The following ANO4 variants were observed in gnomAD, a reference collection of about 807,000 sequenced individuals.
ANO4 encodes anoctamin-4.
In ANO4, 69 loss-of-function variants were observed where a neutral mutation model predicts 141.9. That is an observed-to-expected ratio of 0.49 (90% CI 0.40 to 0.59). The LOEUF (loss-of-function observed/expected upper bound fraction) is 0.59. ANO4 is among the 20% of genes least tolerant of loss of function. The pLI is 0.00. For synonymous variants in ANO4, 350 were observed against 394.3 expected (o/e 0.89, Z 1.33); for missense variants, 894 against 1,162.2 (o/e 0.77, Z 3.36).
intron 2 of ANO4, among the ~76,000 whole-genome samples, chr12:100,907,035 T>C (rs563861853): frequency 1.3e-5 from 2 of 152,274 alleles, no homozygotes; most frequent in South Asian, 4.1e-4. Flanking sequence ...ACAATTGTCT[T>C]CAGTGGTTCT....
At chr12:100,758,236 G>A (rs2032700531) in intron 3 of ANO4, among the ~76,000 whole-genome samples, 1 of 152,202 alleles carries the variant, frequency 6.6e-6, no homozygotes, top group Non-Finnish European at 1.5e-5. Flanking sequence ...TTAGAGTAAG[G>A]CTGACATTGA....
At chr12:100,920,823 C>A (rs758111096) in intron 2 of ANO4, among the ~76,000 whole-genome samples, 18 of 152,100 alleles carry the variant, frequency 1.2e-4, no homozygotes, top group South Asian at 6.2e-4. Context: ...GCCAGTGTTG[C>A]TTTAATAAAT....
At chr12:100,878,869 TTC>T (rs1333627825) in intron 1 of ANO4, among the ~76,000 whole-genome samples, 1 of 152,192 alleles carries the variant, frequency 6.6e-6, no homozygotes, top group African/African-American at 2.4e-5. Flanking sequence ...ATGATGCATG[TTC>T]TGATTCACCA....
chr12:100,762,588 T>A (rs182409013), intron 3 of ANO4, among the ~76,000 whole-genome samples: 1 of 152,268 alleles, frequency 6.6e-6, no homozygotes, highest in Non-Finnish European at 1.5e-5. Flanking sequence ...AACAAGTGCT[T>A]ACTTCCCTGG....
intron 1 of ANO4, among the ~76,000 whole-genome samples, chr12:100,884,917 ACTC>A (rs1206587135): frequency 6.6e-6 from 1 of 151,450 alleles, no homozygotes. Context: ...CTGGTCTTGA[ACTC>A]CTGACCTCAG....
chr12:100,753,889 C>T (rs1197420404), intron 3 of ANO4, among the ~76,000 whole-genome samples: 3 of 152,198 alleles, frequency 2.0e-5, no homozygotes, highest in Non-Finnish European at 2.9e-5. Flanking sequence ...CCACAAGCAC[C>T]TGTCCAAGCC....
At chr12:100,736,970 G>C (rs990913875) in intron 2 of ANO4, among the ~76,000 whole-genome samples, 1 of 152,074 alleles carries the variant, frequency 6.6e-6, no homozygotes, top group Non-Finnish European at 1.5e-5. Flanking sequence ...ATAAATTTCT[G>C]TTGTTTTAAG....
chr12:101,102,722 A>G (rs1182636122), intron 22 of ANO4, among the ~76,000 whole-genome samples: 1 of 152,128 alleles, frequency 6.6e-6, no homozygotes, highest in African/African-American at 2.4e-5. Flanking sequence ...AATTGTTGCC[A>G]TATAAGTTTT....
At chr12:100,786,071 A>G (rs1387061741) in intron 3 of ANO4, among the ~76,000 whole-genome samples, 1 of 152,168 alleles carries the variant, frequency 6.6e-6, no homozygotes, top group Non-Finnish European at 1.5e-5. Flanking sequence ...ATGAGGGGAA[A>G]TTCTATAGCA....
intron 1 of ANO4, among the ~76,000 whole-genome samples, chr12:100,803,174 T>TG (rs1447474228): frequency 2.0e-5 from 3 of 152,172 alleles, no homozygotes; most frequent in Non-Finnish European, 4.4e-5. Flanking sequence ...AGGAGCAGTT[T>TG]GGGGTGTTCT....
intron 7 of ANO4, among the ~76,000 whole-genome samples, chr12:100,975,222 A>G (rs1421490234): frequency 2.0e-5 from 3 of 150,232 alleles, no homozygotes; most frequent in Non-Finnish European, 4.4e-5. Context: ...TTACGTGGAT[A>G]AGTTATTTAG....
chr12:100,717,453 C>T (rs1318491865), upstream of ANO4: 8 of 396,288 alleles, frequency 2.0e-5, no homozygotes, highest in South Asian at 3.8e-4. Context: ...CGGGCCGGGC[C>T]GTCCAGGGGC....
intron 3 of ANO4, among the ~76,000 whole-genome samples, chr12:100,768,778 G>A (rs564786629): frequency 6.6e-6 from 1 of 152,214 alleles, no homozygotes; most frequent in South Asian, 2.1e-4. Context: ...AACTTAAAAT[G>A]GTATAATTTT....
chr12:100,986,734 G>A (rs2044724981), intron 7 of ANO4, among the ~76,000 whole-genome samples: 1 of 152,138 alleles, frequency 6.6e-6, no homozygotes, highest in South Asian at 2.1e-4. Context: ...TTAAAGTTTG[G>A]TGTGGTTTTT....
chr12:100,902,032 C>T (rs1021929556), intron 2 of ANO4, among the ~76,000 whole-genome samples, 192 bp downstream of exon 2: 2 of 152,146 alleles, frequency 1.3e-5, no homozygotes, highest in African/African-American at 4.8e-5. Context: ...GGGGAGAGAG[C>T]TTGGTGGTTC....
At chr12:100,808,811 G>A (rs978977973) in intron 1 of ANO4, among the ~76,000 whole-genome samples, 3 of 152,142 alleles carry the variant, frequency 2.0e-5, no homozygotes, top group East Asian at 1.9e-4. Context: ...CCTATATTTC[G>A]AATTGTTGAT....
chr12:100,847,962 G>A (rs2037661600), intron 1 of ANO4, among the ~76,000 whole-genome samples: 1 of 152,184 alleles, frequency 6.6e-6, no homozygotes, highest in African/African-American at 2.4e-5. Context: ...GAGATTGTAT[G>A]TGCTGTATGG....
At chr12:101,010,559 T>C (rs542366121) in intron 8 of ANO4, among the ~76,000 whole-genome samples, 2 of 152,296 alleles carry the variant, frequency 1.3e-5, no homozygotes, top group Non-Finnish European at 2.9e-5. Flanking sequence ...TGCAGTTGCC[T>C]AAGGCCCAGA....
intron 3 of ANO4, among the ~76,000 whole-genome samples, chr12:100,756,664 A>G (rs1163816291): frequency 6.6e-6 from 1 of 151,718 alleles, no homozygotes; most frequent in African/African-American, 2.4e-5. Flanking sequence ...TGTTTTTTTC[A>G]CTTGTTTTCT....
Sources: allele counts gnomAD v4.1 joint callset (sites outside exome capture counted in the v4.1 genomes callset), GRCh38; gene constraint gnomAD v4.1.1; transcripts MANE v1.5; gene names NCBI Gene and HGNC (gene_info 2026-07-23, HGNC 2026-07-21).